The following XRCC5 variants were observed in gnomAD, a reference collection of about 807,000 sequenced individuals.
XRCC5 encodes DNA repair protein Ku80.
A neutral mutation model predicts 95.7 loss-of-function variants in XRCC5; 12 were observed. The observed-to-expected ratio is 0.13, with a 90% CI of 0.08 to 0.20. The LOEUF (loss-of-function observed/expected upper bound fraction) is 0.20, where lower values mean the gene tolerates loss of function less well. XRCC5 is among the 10% of genes least tolerant of loss of function. The probability of loss-of-function intolerance (pLI) is 1.00; values close to 1 mark genes in which losing one functional copy is unlikely to be tolerated. For synonymous variants in XRCC5, 281 were observed against 290.3 expected, an observed-to-expected ratio of 0.97 and a Z score of 0.33; for missense variants, 595 against 873.9, an observed-to-expected ratio of 0.68 and a Z score of 4.02.
intron 16 of XRCC5, chr2:216,174,881 CT>C (rs1689243141): frequency 1.3e-5 from 4 of 319,398 alleles, no homozygotes; most frequent in Non-Finnish European, 2.4e-5. Context: ...ATTGTAGCCC[CT>C]CTCTGCTGTT....
At chr2:216,187,848 CT>C (rs1689532553) in intron 16 of XRCC5, among the ~76,000 whole-genome samples, 3 of 137,872 alleles carry the variant, frequency 2.2e-5, no homozygotes, top group South Asian at 2.4e-4. Context: ...CTCTCTCTCT[CT>C]CTCTCTCTCT....
intron 5 of XRCC5, among the ~76,000 whole-genome samples, chr2:216,120,917 G>A (rs1405942948): frequency 1.3e-5 from 2 of 152,060 alleles, no homozygotes; most frequent in African/African-American, 4.8e-5. Flanking sequence ...TGTATTTTTA[G>A]TAGAGATGGG....
At chr2:216,141,851 A>G (rs896398295) in intron 13 of XRCC5, among the ~76,000 whole-genome samples, 2 of 152,042 alleles carry the variant, frequency 1.3e-5, no homozygotes, top group Admixed American at 6.6e-5. Flanking sequence ...TCAGGAGTTC[A>G]AGACCAGCCT....
intron 16 of XRCC5, among the ~76,000 whole-genome samples, chr2:216,172,368 G>C (rs1689180501): frequency 1.3e-5 from 2 of 151,454 alleles, no homozygotes. Context: ...CTAAAAAATA[G>C]AATACTCGGA....
At chr2:216,119,217 A>G in intron 5 of XRCC5, 52 bp downstream of exon 5, 1 of 1,603,224 alleles carries the variant, frequency 6.2e-7, no homozygotes, top group Non-Finnish European at 8.5e-7. Context: ...TTCCTAATAT[A>G]GTGAATGGGC....
At chr2:216,153,383 T>C (rs1688781551) in intron 14 of XRCC5, among the ~76,000 whole-genome samples, 1 of 152,208 alleles carries the variant, frequency 6.6e-6, no homozygotes, top group South Asian at 2.1e-4. Flanking sequence ...TGATATTCTG[T>C]AGAATTTGTC....
At position 216,119,119 on chromosome 2, in the gene XRCC5, A is replaced by G; in HGVS notation, c.445A>G (p.Ile149Val). The change falls in exon 5 of 21, where the codon ATT becomes GTT. Residue 149 changes from isoleucine (I) to valine (V), a missense_variant. Around this residue, in one of 2 missense-constraint regions of XRCC5, gnomAD observed 286 missense variants for 491.1 expected, o/e 0.58. Transcript: ENST00000392132. ...CCGATTCAGCAAAAGTCAGCTGGAT[A>G]TTATAATTCATAGCTTGAAGAAATG... Reference protein sequence around the residue: ...SSRFSKSQLDIIIHSLKKCDI... With the variant: ...SSRFSKSQLDVIIHSLKKCDI... 3 of 1,614,160 alleles carry G rather than the reference A, an allele frequency of 1.9e-6. No individual in the cohort carries two copies. The highest frequency in any genetic ancestry group is 1.7e-6 in the Non-Finnish European group (2 of 1,179,992).
intron 13 of XRCC5, among the ~76,000 whole-genome samples, chr2:216,145,079 T>C (rs1421156795): frequency 6.6e-6 from 1 of 152,190 alleles, no homozygotes; most frequent in Non-Finnish European, 1.5e-5. Flanking sequence ...TAGGAATTTG[T>C]AGTCCAGTTT....
intron 14 of XRCC5, among the ~76,000 whole-genome samples, chr2:216,149,456 A>T (rs754648629): frequency 5.9e-5 from 9 of 152,180 alleles, no homozygotes; most frequent in Non-Finnish European, 1.3e-4. Context: ...CTATCGTTCT[A>T]CACAAGAAGA....
intron 7 of XRCC5, 89 bp from the exon 8 acceptor site, chr2:216,127,447 G>A: frequency 7.1e-7 from 1 of 1,402,976 alleles, no homozygotes; most frequent in South Asian, 1.7e-5. Context: ...CTGGATTTTT[G>A]TCTGTGCCAG....
intron 11 of XRCC5, 27 bp from the exon 12 acceptor site, chr2:216,138,062 G>C (rs756870683): frequency 1.3e-6 from 2 of 1,555,982 alleles, no homozygotes; most frequent in South Asian, 2.3e-5. Context: ...CATCGTTTCT[G>C]CTTTTACCCC....
At chr2:216,154,498 C>T (rs1026525936) in intron 14 of XRCC5, among the ~76,000 whole-genome samples, 3 of 152,192 alleles carry the variant, frequency 2.0e-5, no homozygotes, top group African/African-American at 4.8e-5. Flanking sequence ...TCATTTTAGC[C>T]TGCCTCACTG....
chr2:216,172,559 C>G (rs142619692), intron 16 of XRCC5, among the ~76,000 whole-genome samples: 619 of 147,026 alleles, frequency 4.2e-3, no homozygotes, highest in African/African-American at 0.015. Context: ...GCCTCCACCT[C>G]CCGGGTTCAA....
intron 3 of XRCC5, 71 bp downstream of exon 3, chr2:216,116,913 A>G: frequency 6.5e-7 from 1 of 1,530,468 alleles, no homozygotes; most frequent in Non-Finnish European, 8.9e-7. Flanking sequence ...CAGTTTGATG[A>G]GACACCCCCA....
intron 9 of XRCC5, among the ~76,000 whole-genome samples, chr2:216,131,364 T>C (rs1696991256): frequency 1.3e-5 from 2 of 152,274 alleles, no homozygotes; most frequent in Admixed American, 1.3e-4. Context: ...GGCATAAAAA[T>C]GCATGAGAAA....
chr2:216,133,755 C>T (rs755156112), intron 10 of XRCC5, among the ~76,000 whole-genome samples: 1 of 152,194 alleles, frequency 6.6e-6, no homozygotes, highest in Non-Finnish European at 1.5e-5. Context: ...TCTCTAGTGT[C>T]AGTTTTTGAG....
chr2:216,164,177 C>T (rs564377708), intron 16 of XRCC5, among the ~76,000 whole-genome samples: 1 of 152,266 alleles, frequency 6.6e-6, no homozygotes, highest in South Asian at 2.1e-4. Flanking sequence ...TCTTGTCTAT[C>T]AAGACTATTG....
chr2:216,203,351 G>T (rs1387119069), intron 19 of XRCC5, among the ~76,000 whole-genome samples: 1 of 152,130 alleles, frequency 6.6e-6, no homozygotes, highest in African/African-American at 2.4e-5. Flanking sequence ...ACTCCTACAG[G>T]CAGGCATGCT....
chr2:216,117,654 C>T (rs1696724167), intron 3 of XRCC5, 92 bp from the exon 4 acceptor site: 2 of 1,354,830 alleles, frequency 1.5e-6, no homozygotes, highest in Admixed American at 1.7e-5. Context: ...GTTCAGTGTC[C>T]ACAATTTCCA....
Sources: gnomAD v4.1 joint callset for allele counts (sites outside exome capture counted in the v4.1 genomes callset) on GRCh38, gnomAD v4.1.1 for gene constraint, gnomAD v4.1.1 regional missense constraint, MANE v1.5 for transcripts, NCBI Gene and HGNC (gene_info 2026-07-23, HGNC 2026-07-21) for gene names.